The following USP45 variants were observed in gnomAD, a reference collection of about 807,000 sequenced individuals.
The protein encoded by USP45 is ubiquitin specific peptidase 45, also known as ubiquitin carboxyl-terminal hydrolase 45.
In USP45, 89 loss-of-function variants were observed where a neutral mutation model predicts 95.8. The ratio of observed to expected loss-of-function variants is 0.93; its 90% CI spans 0.78 to 1.11. The LOEUF (loss-of-function observed/expected upper bound fraction) is 1.11. USP45 is among the 50% of genes least tolerant of loss of function. The pLI, the probability that USP45 is intolerant of heterozygous loss-of-function variation, is 0.00. For synonymous variants in USP45, 281 were observed against 316.2 expected, an observed-to-expected ratio of 0.89 and a Z score of 1.18; for missense variants, 898 against 942.5, an observed-to-expected ratio of 0.95 and a Z score of 0.62.
In USP45 at chr6:99,434,668, A is replaced by T. The variant is rs1267989251; in HGVS notation, c.*1048T>A. On this transcript the variant is annotated 3_prime_UTR_variant, in exon 18 of 18. Coordinates refer to ENST00000500704, the MANE Select transcript of USP45 (RefSeq NM_001346022.3). ...AACTTATTAATGATGCTTGCTGAAG[A>T]CAAAGTGATTTCAAAACCCCAAAAC... is the stretch of plus-strand genomic sequence containing the variant. 6.6e-6 allele frequency: 1 copy of T among 152,212 alleles called. No individual in the cohort carries two copies. The highest frequency in any genetic ancestry group is 2.4e-5 in the African/African-American group (1 of 41,456). The allele number at this position is 152,212 out of a possible 1,614,324, so 9.4% of individuals were successfully genotyped here. A position where few individuals can be genotyped will look rare whatever the true frequency, so the allele number is the denominator to read the frequency against.
chr6:99,450,381 T>C (rs1218411808), intron 13 of USP45, among the ~76,000 whole-genome samples: 1 of 152,094 alleles, frequency 6.6e-6, no homozygotes, highest in Admixed American at 6.6e-5. Flanking sequence ...AAATACAAAC[T>C]ACCATCAGAG....
rs773570998 is a variant in USP45 at position 99,507,483 on chromosome 6, T to A, written c.322A>T (p.Ser108Cys). 1 of 1,613,456 alleles carries A rather than the reference T, an allele frequency of 6.2e-7. No individual in the cohort carries two copies. Among genetic ancestry groups the A allele is most frequent in the East Asian group, 2.2e-5 (1 of 44,822 alleles). The change falls in exon 4 of 18, where the codon AGT becomes TGT. Residue 108 changes from serine to cysteine, a missense_variant. Transcript: ENST00000500704. ...ATACAATGGGGCTCTGTTCTGGAAC[T>A]CTTAAAGTGCTTCAATGAATGTTGG... is the stretch of plus-strand genomic sequence containing the variant. ...ESQHSLKHFK[S>C]SRTEPHCIII... is the part of the protein sequence containing the mutation.
chr6:99,457,208 C>T (rs1785297322), intron 13 of USP45, among the ~76,000 whole-genome samples: 1 of 152,200 alleles, frequency 6.6e-6, no homozygotes, highest in South Asian at 2.1e-4. Flanking sequence ...TGTGATCTTG[C>T]CCTGCCTCCA....
intron 8 of USP45, among the ~76,000 whole-genome samples, chr6:99,481,882 C>CA (rs1327441647): frequency 6.6e-6 from 1 of 152,146 alleles, no homozygotes; most frequent in East Asian, 1.9e-4. Flanking sequence ...CTTTTTAACT[C>CA]TGTGAGACAC....
In USP45 at chr6:99,500,990, T is replaced by C. The variant is rs189014855; in HGVS notation, c.478+2775A>G. Among the ~76,000 whole-genome samples, 339 of 152,346 alleles carry C rather than the reference T, an allele frequency of 2.2e-3. 1 individual carries two copies. Among genetic ancestry groups the C allele is most frequent in the Non-Finnish European group, 2.4e-3 (161 of 68,028 alleles). On this transcript the variant is annotated intron_variant, in intron 5 of 17. Transcript: ENST00000500704. ...CACAGTTGGCAACTATATTTTTATA[T>C]AGCTTTTCAGTTTCTGATGCCACCT...
At chr6:99,458,537 CCTT>C (rs1785608318) in intron 13 of USP45, among the ~76,000 whole-genome samples, 1 of 152,172 alleles carries the variant, frequency 6.6e-6, no homozygotes, top group South Asian at 2.1e-4. Context: ...AGAACATGGT[CCTT>C]GTTTAACCTG....
At chr6:99,463,580 GAGGCGGGTGGATCATGAGGTC>G (rs1401212259) in intron 13 of USP45, among the ~76,000 whole-genome samples, 2 of 152,110 alleles carry the variant, frequency 1.3e-5, no homozygotes. Context: ...TTGGGAGGCT[GAGGCGGGTGGATCATGAGGTC>G]AGGATTTCGA....
At chr6:99,504,312 G>A (rs1798035520) in intron 4 of USP45, among the ~76,000 whole-genome samples, 1 of 152,062 alleles carries the variant, frequency 6.6e-6, no homozygotes, top group Non-Finnish European at 1.5e-5. Context: ...GCTAATTTTT[G>A]TATTTTTATT....
chr6:99,483,365 G>A (rs186395007), intron 7 of USP45, among the ~76,000 whole-genome samples: 1 of 152,220 alleles, frequency 6.6e-6, no homozygotes, highest in Admixed American at 6.5e-5. Context: ...CTTTTAAAGG[G>A]GAGAGACATA....
rs71021740 is a variant in USP45, at chr6:99,478,220, GTTTT to G, written c.846-1994_846-1991del. On this transcript the variant is annotated intron_variant, in intron 8 of 17. Coordinates refer to ENST00000500704, the MANE Select transcript of USP45 (RefSeq NM_001346022.3). ...AAGAAAATTTAATAAACTTAGATTT[GTTTT>G]TTTTTTTTTTTTTTTTTTTTAACCT... is the stretch of plus-strand genomic sequence containing the variant. Among the ~76,000 whole-genome samples, 416 of 99,438 alleles carry G rather than the reference GTTTT, an allele frequency of 4.2e-3. 3 individuals carry two copies. The highest frequency in any genetic ancestry group is 0.012 in the African/African-American group (335 of 27,292). 65.2% of individuals were successfully genotyped at this position (99,438 alleles called of 152,430 possible). A position where few individuals can be genotyped will look rare whatever the true frequency, so the allele number is the denominator to read the frequency against.
At chr6:99,437,605 T>C (rs1392825580) in intron 16 of USP45, among the ~76,000 whole-genome samples, 3 of 152,210 alleles carry the variant, frequency 2.0e-5, no homozygotes, top group African/African-American at 7.2e-5. Flanking sequence ...CTCACACATA[T>C]TGCACATGGG....
At chr6:99,444,408 G>A (rs955493912) in intron 14 of USP45, among the ~76,000 whole-genome samples, 2 of 152,086 alleles carry the variant, frequency 1.3e-5, no homozygotes, top group African/African-American at 2.4e-5. Context: ...TATTACTAGT[G>A]TATTAAGTAT....
Position 99,506,864 on chromosome 6 carries a change from AT to A in USP45, c.377+563del, listed in dbSNP as rs373662136. ...TATTAGCAAGTTCACTACCAAAAAA[AT>A]CAACTAAAAAGAATTTTTCTTTACA... On this transcript the variant is annotated intron_variant, in intron 4 of 17. Coordinates refer to ENST00000500704, the MANE Select transcript of USP45 (RefSeq NM_001346022.3). Among the ~76,000 whole-genome samples the A allele has an allele frequency of 1.8e-4, 27 of 152,064 alleles. No homozygotes were observed. In the East Asian group the frequency reaches 3.5e-3, roughly 20 times the overall value.
At position 99,482,783 on chromosome 6, in the gene USP45, G is replaced by A. The variant is rs140318066; in HGVS notation, c.815C>T (p.Pro272Leu). The A allele has an allele frequency of 1.2e-6, 2 of 1,605,416 alleles. No individual in the cohort carries two copies. Among genetic ancestry groups the A allele is most frequent in the Non-Finnish European group, 1.7e-6 (2 of 1,175,502 alleles). ...ACAAAGCTGATTAAAAAGAACTTTA[G>A]GAGAAAGTGGTCCTTTTTCAGTCTC... ...MKETEKGPLS[P>L]KVLFNQLCQK... The change falls in exon 8 of 18, where the codon CCT (proline) becomes CTT (leucine). Residue 272 changes from proline (P) to leucine (L), a missense_variant. Pro to Leu is a moderately conservative substitution (Grantham distance 98). Coordinates refer to ENST00000500704, the MANE Select transcript of USP45 (RefSeq NM_001346022.3).
chr6:99,454,498 G>C (rs2128586627), intron 13 of USP45, among the ~76,000 whole-genome samples: 1 of 152,250 alleles, frequency 6.6e-6, no homozygotes, highest in African/African-American at 2.4e-5. Flanking sequence ...TCAACAGAAT[G>C]AAGAGACCTC....
chr6:99,479,204 T>C (rs945958329), intron 8 of USP45, among the ~76,000 whole-genome samples: 1 of 110,416 alleles, frequency 9.1e-6, no homozygotes, highest in African/African-American at 3.5e-5. Flanking sequence ...AGTGTATAGA[T>C]ATGTCAAAAC....
At chr6:99,437,521 C>T in intron 16 of USP45, 122 bp from the exon 17 acceptor site, 2 of 1,055,402 alleles carry the variant, frequency 1.9e-6, no homozygotes, top group Non-Finnish European at 2.6e-6. Flanking sequence ...AGATACTTTC[C>T]ATACTTACTA....
intron 9 of USP45, among the ~76,000 whole-genome samples, chr6:99,474,165 A>T (rs1259514244): frequency 6.6e-6 from 1 of 152,164 alleles, no homozygotes; most frequent in Non-Finnish European, 1.5e-5. Flanking sequence ...GGTCACTAGG[A>T]GTAAAGAGAC....
At chr6:99,477,995 T>G (rs1241724052) in intron 8 of USP45, among the ~76,000 whole-genome samples, 7 of 152,106 alleles carry the variant, frequency 4.6e-5, no homozygotes, top group African/African-American at 1.7e-4. Context: ...AGCAGATGAC[T>G]AGAGGAGGGA....
Sources: gnomAD v4.1 joint callset for allele counts (sites outside exome capture counted in the v4.1 genomes callset) on GRCh38, gnomAD v4.1.1 for gene constraint, MANE v1.5 for transcripts, NCBI Gene and HGNC (gene_info 2026-07-23, HGNC 2026-07-21) for gene names.